The following OR8B2 variants were observed in gnomAD, a reference collection of about 807,000 sequenced individuals.
The protein encoded by OR8B2 is olfactory receptor 8B2.
For missense variants in OR8B2, 304 were observed against 379.6 expected (o/e 0.80, Z 1.65); for synonymous variants, 98 against 138.2 (o/e 0.71, Z 2.04).
At chr11:124,393,975 AATC>A in the OR8B2 span, among the ~76,000 whole-genome samples, 2 of 151,284 alleles carry the variant, frequency 1.3e-5, no homozygotes, top group Non-Finnish European at 2.9e-5. Flanking sequence ...TGAAATTGGA[AATC>A]ATCATTCTCA....
At chr11:124,385,696 T>C (rs1860688268), upstream of OR8B2, among the ~76,000 whole-genome samples, 1 of 150,178 alleles carries the variant, frequency 6.7e-6, no homozygotes, top group Non-Finnish European at 1.5e-5. Context: ...AGTGGTGCAA[T>C]CACAGCTCAC....
rs1244013920 is a variant in OR8B2 at position 124,382,737 on chromosome 11, C to G, written c.607G>C (p.Val203Leu). ...YVNEVVVLIV[V>L]GTNITVPSCT... is the part of the protein sequence containing the mutation. Reference sequence around the variant, plus strand: ...CTGGGTACCGTGATATTAGTACCCACAACAATGAGAACAACCACCTCGTTG... The same window carrying G: ...CTGGGTACCGTGATATTAGTACCCAGAACAATGAGAACAACCACCTCGTTG... Residue 203 changes from valine to leucine, a missense_variant, in exon 2 of 2, where the codon GTG (valine) becomes CTG (leucine). Coordinates refer to ENST00000641451, the MANE Select transcript of OR8B2 (RefSeq NM_001005468.2). 6.2e-7 allele frequency: 1 copy of G among 1,613,718 alleles called. No individual in the cohort carries two copies. The highest frequency in any genetic ancestry group is 8.5e-7 in the Non-Finnish European group (1 of 1,179,838).
upstream of OR8B2, among the ~76,000 whole-genome samples, chr11:124,387,105 G>C (rs1189130072): frequency 6.6e-6 from 1 of 152,118 alleles, no homozygotes; most frequent in Non-Finnish European, 1.5e-5. Context: ...TGATGGGGTT[G>C]TTTGTTTTTT....
At chr11:124,388,389 C>T (rs181257266), upstream of OR8B2, among the ~76,000 whole-genome samples, 69 of 149,868 alleles carry the variant, frequency 4.6e-4, no homozygotes, top group Non-Finnish European at 8.4e-4. Context: ...TGATATTGGC[C>T]GTGGGTTTGT....
At position 124,384,413 on chromosome 11, in the gene OR8B2, T is replaced by A. The variant is rs1860660032; in HGVS notation, c.-57A>T. 1 of 152,202 alleles carries A rather than the reference T, an allele frequency of 6.6e-6. No homozygotes were observed. Among genetic ancestry groups the A allele is most frequent in the African/African-American group, 2.4e-5 (1 of 41,456 alleles). 9.4% of individuals were successfully genotyped at this position (152,202 alleles called of 1,614,324 possible). On this transcript the variant is annotated 5_prime_UTR_variant, in exon 1 of 2. Transcript: ENST00000641451. ...GAGAACTCAGTGCTGACCATTGATA[T>A]GTGTTTCACCTCCACTGCCCTGGAG...
upstream of OR8B2, among the ~76,000 whole-genome samples, chr11:124,387,896 G>A (rs1246836996): frequency 6.6e-6 from 1 of 150,432 alleles, no homozygotes; most frequent in African/African-American, 2.4e-5. Flanking sequence ...CATGAGCATG[G>A]AATGTTCTTC....
chr11:124,387,636 G>A (rs1312129106), upstream of OR8B2, among the ~76,000 whole-genome samples: 1 of 148,520 alleles, frequency 6.7e-6, no homozygotes, highest in African/African-American at 2.5e-5. Context: ...TTTGGTACCC[G>A]TACCATGCTG....
upstream of OR8B2, among the ~76,000 whole-genome samples, chr11:124,387,174 G>A (rs1860716480): frequency 7.0e-6 from 1 of 143,284 alleles, no homozygotes; most frequent in African/African-American, 2.6e-5. Context: ...TGTCACATGA[G>A]TAGGTTGCGA....
the OR8B2 span, chr11:124,396,743 C>T: frequency 6.2e-7 from 1 of 1,613,742 alleles, no homozygotes; most frequent in Non-Finnish European, 8.5e-7. Context: ...TATTAATACC[C>T]ACAACAATGA....
rs775586913 is a variant in OR8B2, at chr11:124,382,758, C to T, written c.586G>A (p.Glu196Lys). 1.1e-5 allele frequency: 17 copies of T among 1,613,748 alleles called. No individual in the cohort carries two copies. The highest frequency in any genetic ancestry group is 3.3e-4 in the Middle Eastern group (2 of 6,052). ...QLSCTSTYVN[E>K]VVVLIVVGTN... ...CCCACAACAATGAGAACAACCACCTCGTTGACATAGGTGCTGGTGCAGGAA... is the reference window on the plus strand; with the variant it reads ...CCCACAACAATGAGAACAACCACCTTGTTGACATAGGTGCTGGTGCAGGAA... The change falls in exon 2 of 2, where the codon GAG (glutamate) becomes AAG (lysine). Residue 196 changes from glutamate (E) to lysine (K), a missense_variant. Coordinates refer to ENST00000641451, the MANE Select transcript of OR8B2 (RefSeq NM_001005468.2).
upstream of OR8B2, among the ~76,000 whole-genome samples, chr11:124,386,770 C>A (rs1184689841): frequency 6.6e-6 from 1 of 152,126 alleles, no homozygotes; most frequent in South Asian, 2.1e-4. Context: ...TGGGTATATA[C>A]CCAGTAATGG....
At position 124,383,054 on chromosome 11, in the gene OR8B2, C is replaced by T; in HGVS notation, c.290G>A (p.Cys97Tyr). The T allele has an allele frequency of 6.2e-7, 1 of 1,613,920 alleles. No homozygotes were observed. The highest frequency in any genetic ancestry group is 1.1e-5 in the South Asian group (1 of 91,074). The change falls in exon 2 of 2, where the codon TGC becomes TAC. Residue 97 changes from cysteine (C) to tyrosine (Y), a missense_variant. Physicochemically the swap from Cys to Tyr is radical, Grantham distance 194. Coordinates refer to ENST00000641451, the MANE Select transcript of OR8B2 (RefSeq NM_001005468.2). ...GAGAAAGAAAAACAGCCGAGTCATG[C>T]ACCCAACATTGGAGATAATATTCTT... is the stretch of plus-strand genomic sequence containing the variant. Reference protein sequence around the residue: ...SKKNIISNVGCMTRLFFFLFF... With the variant: ...SKKNIISNVGYMTRLFFFLFF...
At chr11:124,396,655 C>T in the OR8B2 span, 1 of 1,611,702 alleles carries the variant, frequency 6.2e-7, no homozygotes. Context: ...TTTGATCTTC[C>T]TTGAGTGGAT....
chr11:124,392,592 C>T, the OR8B2 span, among the ~76,000 whole-genome samples: 1 of 93,470 alleles, frequency 1.1e-5, no homozygotes, highest in Non-Finnish European at 2.1e-5. Context: ...AACTACAAAC[C>T]ACTGCTCAAT....
At chr11:124,397,220 G>A in the OR8B2 span, 2 of 1,609,198 alleles carry the variant, frequency 1.2e-6, no homozygotes, top group African/African-American at 2.8e-5. Flanking sequence ...GAATGATCAA[G>A]CCAAGGTTGC....
upstream of OR8B2, among the ~76,000 whole-genome samples, chr11:124,388,262 G>A (rs1860732090): frequency 7.1e-6 from 1 of 141,158 alleles, no homozygotes; most frequent in Admixed American, 7.1e-5. Context: ...TCCTTCTCCT[G>A]CCTGATTGCC....
upstream of OR8B2, among the ~76,000 whole-genome samples, chr11:124,386,746 G>A (rs1860707467): frequency 6.6e-6 from 1 of 152,114 alleles, no homozygotes; most frequent in Non-Finnish European, 1.5e-5. Context: ...ATAGCAGCAT[G>A]ATTTATAGTC....
chr11:124,392,806 G>A, the OR8B2 span, among the ~76,000 whole-genome samples: 14 of 150,776 alleles, frequency 9.3e-5, no homozygotes, highest in Non-Finnish European at 1.6e-4. Flanking sequence ...GCATCACCAA[G>A]TCAATCCTAA....
the OR8B2 span, chr11:124,396,734 A>G: frequency 1.2e-6 from 2 of 1,614,000 alleles, no homozygotes; most frequent in Admixed American, 3.3e-5. Flanking sequence ...GTACCATGAT[A>G]TTAATACCCA....
Sources: allele counts gnomAD v4.1 joint callset (sites outside exome capture counted in the v4.1 genomes callset), GRCh38; gene constraint gnomAD v4.1.1; transcripts MANE v1.5; gene names NCBI Gene and HGNC (gene_info 2026-07-23, HGNC 2026-07-21).